Variants in PRKG1 observed in about 807,000 individuals in gnomAD.
PRKG1 encodes the protein cGMP-dependent protein kinase 1.
In PRKG1, 35 loss-of-function variants were observed where a neutral mutation model predicts 88.1. The observed-to-expected ratio is 0.40, with a 90% CI of 0.30 to 0.53. The LOEUF (loss-of-function observed/expected upper bound fraction) is 0.53. Ranked by LOEUF, PRKG1 falls within the 20% of genes least tolerant of loss-of-function variation. PRKG1 has a pLI of 0.59. For synonymous variants in PRKG1, 303 were observed against 292.5 expected, an observed-to-expected ratio of 1.04 and a Z score of -0.37; for missense variants, 540 against 839.8, an observed-to-expected ratio of 0.64 and a Z score of 4.41.
At chr10:51,175,088 G>A (rs1837155074) in intron 2 of PRKG1, among the ~76,000 whole-genome samples, 1 of 151,598 alleles carries the variant, frequency 6.6e-6, no homozygotes, top group African/African-American at 2.4e-5. Context: ...CAATAATTTT[G>A]CAGAGAAAAT....
chr10:51,372,308 A>C (rs1842721531), intron 2 of PRKG1, among the ~76,000 whole-genome samples: 1 of 152,130 alleles, frequency 6.6e-6, no homozygotes, highest in African/African-American at 2.4e-5. Flanking sequence ...TTACATTCTA[A>C]ATTTCCTTTT....
intron 2 of PRKG1, among the ~76,000 whole-genome samples, chr10:51,226,957 C>A (rs141071911): frequency 1.0e-3 from 158 of 152,104 alleles, no homozygotes; most frequent in Non-Finnish European, 2.5e-4. Context: ...ACAAGCCCAC[C>A]GACCACTTGG....
intron 3 of PRKG1, among the ~76,000 whole-genome samples, chr10:51,561,687 G>T (rs866736280): frequency 1.3e-5 from 2 of 152,058 alleles, no homozygotes; most frequent in Non-Finnish European, 2.9e-5. Flanking sequence ...GGAAGAGGAA[G>T]AAGAGAAAAG....
At chr10:51,016,669 C>CT (rs1323068893) in intron 1 of PRKG1, among the ~76,000 whole-genome samples, 2 of 22,766 alleles carry the variant, frequency 8.8e-5, no homozygotes, top group Non-Finnish European at 8.3e-5. Context: ...TATTATTATC[C>CT]TTTCTTTTTT....
chr10:51,561,683 GGAA>G (rs764994487), intron 3 of PRKG1, among the ~76,000 whole-genome samples: 1 of 151,990 alleles, frequency 6.6e-6, no homozygotes, highest in Non-Finnish European at 1.5e-5. Context: ...GGGAGGAAGA[GGAA>G]GAAGAGAAAA....
chr10:52,119,580 A>G (rs1847767071), intron 7 of PRKG1, among the ~76,000 whole-genome samples: 2 of 152,186 alleles, frequency 1.3e-5, no homozygotes, highest in South Asian at 4.1e-4. Context: ...CTACTTTCAA[A>G]ATAGGAAAAA....
intron 2 of PRKG1, among the ~76,000 whole-genome samples, chr10:51,175,810 G>A (rs1209751077): frequency 3.3e-5 from 5 of 151,994 alleles, no homozygotes; most frequent in Non-Finnish European, 7.4e-5. Context: ...TAGTGATGAT[G>A]GCCAGCAATC....
At position 51,434,486 on chromosome 10, in the gene PRKG1, C is replaced by A. The variant is rs145632368; in HGVS notation, c.479-33237C>A. ...GCATTTTAAATGAATATAGCAGCTA[C>A]CCTGGGATAAATTTCAGTGGCAGCT... On this transcript the variant is annotated intron_variant, in intron 2 of 17. Transcript: ENST00000373980. 7.2e-5 allele frequency among the ~76,000 whole-genome samples: 11 copies of A among 152,204 alleles called. No individual in the cohort carries two copies. The East Asian group carries it at 2.1e-3, about 30-fold the overall frequency.
intron 5 of PRKG1, among the ~76,000 whole-genome samples, chr10:51,973,321 A>G (rs192407203): frequency 2.2e-4 from 34 of 152,320 alleles, no homozygotes; most frequent in African/African-American, 7.9e-4. Flanking sequence ...CTGAGGTTCC[A>G]GATCATACTC....
At chr10:51,633,144 G>A (rs954937869) in intron 3 of PRKG1, among the ~76,000 whole-genome samples, 1 of 152,074 alleles carries the variant, frequency 6.6e-6, no homozygotes, top group Non-Finnish European at 1.5e-5. Context: ...TCACTCAGAG[G>A]TACAAGAAGA....
At chr10:51,770,820 C>A (rs556854910) in intron 3 of PRKG1, among the ~76,000 whole-genome samples, 1 of 152,262 alleles carries the variant, frequency 6.6e-6, no homozygotes, top group South Asian at 2.1e-4. Context: ...AGGTTGGGAA[C>A]TACTGCTATA....
At chr10:51,607,398 G>A (rs933893204) in intron 3 of PRKG1, among the ~76,000 whole-genome samples, 24 of 152,178 alleles carry the variant, frequency 1.6e-4, no homozygotes, top group Non-Finnish European at 2.2e-4. Context: ...CATATAAAAC[G>A]AGGGAAAACG....
At position 51,005,272 on chromosome 10, in the gene PRKG1, A is replaced by C. The variant is rs554029120; in HGVS notation, c.266+13628A>C. Among the ~76,000 whole-genome samples, 3 of 152,332 alleles carry C rather than the reference A, an allele frequency of 2.0e-5. No individual in the cohort carries two copies. In the East Asian group the frequency reaches 5.8e-4, roughly 29 times the overall value. On this transcript the variant is annotated intron_variant, in intron 1 of 17. Coordinates refer to the PRKG1 transcript ENST00000401604. The stretch of plus-strand genomic sequence containing the variant: ...AACAGGGTAGGTTGTGATAATTAAA[A>C]AAAAATAAAATAAAATGATCCCGGG...
intron 5 of PRKG1, among the ~76,000 whole-genome samples, chr10:52,025,424 T>C (rs1212308359): frequency 6.6e-6 from 1 of 152,196 alleles, no homozygotes; most frequent in African/African-American, 2.4e-5. Flanking sequence ...TGAATGGTAT[T>C]GCCTTGGTTT....
intron 5 of PRKG1, among the ~76,000 whole-genome samples, chr10:51,961,436 T>C (rs1843446172): frequency 6.6e-6 from 1 of 152,224 alleles, no homozygotes; most frequent in South Asian, 2.1e-4. Context: ...AAACCCATGT[T>C]GCTCGAGTCA....
intron 3 of PRKG1, among the ~76,000 whole-genome samples, chr10:51,499,511 A>T (rs1410001700): frequency 6.6e-6 from 1 of 152,206 alleles, no homozygotes; most frequent in Non-Finnish European, 1.5e-5. Flanking sequence ...ATTTTATCTA[A>T]TTATCTACTT....
At chr10:51,171,536 C>A (rs546113290) in intron 2 of PRKG1, among the ~76,000 whole-genome samples, 1 of 152,076 alleles carries the variant, frequency 6.6e-6, no homozygotes. Flanking sequence ...GATATTTATC[C>A]TATGGGAAGG....
At chr10:51,123,692 CAAAA>C (rs34103294) in intron 1 of PRKG1, among the ~76,000 whole-genome samples, 2 of 133,616 alleles carry the variant, frequency 1.5e-5, no homozygotes, top group Non-Finnish European at 3.1e-5. Context: ...GACTCCATCT[CAAAA>C]AAAAAAAAAA....
In PRKG1 at chr10:51,731,789, C is replaced by T. The variant is rs371204000; in HGVS notation, c.593-72796C>T. Among the ~76,000 whole-genome samples the T allele has an allele frequency of 1.9e-4, 29 of 152,166 alleles. No homozygotes were observed. The South Asian group carries it at 5.4e-3, about 28-fold the overall frequency. ...ACTGCCATAACAAAATATCACAGACCGCGTGGTTTACAAAACAGAAATTTA... is the reference window on the plus strand; with the variant it reads ...ACTGCCATAACAAAATATCACAGACTGCGTGGTTTACAAAACAGAAATTTA... On this transcript the variant is annotated intron_variant, in intron 3 of 17. Coordinates refer to ENST00000373980, the MANE Select transcript of PRKG1 (RefSeq NM_006258.4).
Sources: gnomAD v4.1 joint callset for allele counts (sites outside exome capture counted in the v4.1 genomes callset) on GRCh38, gnomAD v4.1.1 for gene constraint, MANE v1.5 for transcripts, NCBI Gene and HGNC (gene_info 2026-07-23, HGNC 2026-07-21) for gene names.